DBNDD1: variants seen among roughly 807,000 people sequenced by gnomAD.
DBNDD1 encodes dysbindin domain-containing protein 1.
A neutral mutation model predicts 17.0 loss-of-function variants in DBNDD1; 14 were observed. The ratio of observed to expected loss-of-function variants is 0.82; its 90% CI spans 0.54 to 1.29. The LOEUF is 1.29. Ranked by LOEUF, DBNDD1 falls within the 50% of genes most tolerant of loss-of-function variation. The pLI is 0.00. For synonymous variants in DBNDD1, 105 were observed against 102.0 expected (o/e 1.03, Z -0.18); for missense variants, 221 against 216.2 (o/e 1.02, Z -0.14).
chr16:90,013,514 C>CATGG (rs1354857714), intron 1 of DBNDD1, among the ~76,000 whole-genome samples: 1 of 152,108 alleles, frequency 6.6e-6, no homozygotes, highest in African/African-American at 2.4e-5. Flanking sequence ...TGTTCCTGAT[C>CATGG]ATGGCGTGGA....
In DBNDD1 at chr16:90,008,899, C is replaced by T. The variant is rs1037177769; in HGVS notation, c.204G>A (p.Leu68=). The T allele has an allele frequency of 5.7e-6, 9 of 1,579,052 alleles. No individual in the cohort carries two copies. The highest frequency in any genetic ancestry group is 1.8e-4 in the Middle Eastern group (1 of 5,506). The change falls in exon 3 of 4, where the codon CTG becomes CTA. Residue 68 remains leucine, a synonymous_variant. Coordinates refer to ENST00000002501, the MANE Select transcript of DBNDD1 (RefSeq NM_001042610.3). ...GGTCCAGGAGGTCGAAGTGGACCTC[C>T]AGAGAGGAGACGCTGCTCAGAGGCT... ...RRQPLSSVSS[L]EVHFDLLDLT... is the part of the protein sequence containing the mutation.
chr16:90,006,437 T>C lies in DBNDD1; in HGVS notation c.375A>G (p.Thr125=), dbSNP rs1357574534. ...GCTTCTCGTGGCTCTGCTCAGCCCTTGTCCTCGTCCAGGAAGGGGAGCGCA... is the reference window on the plus strand; with the variant it reads ...GCTTCTCGTGGCTCTGCTCAGCCCTCGTCCTCGTCCAGGAAGGGGAGCGCA... The part of the protein sequence containing the change: ...GYLRSPSWTR[T]RAEQSHEKQP... The change falls in exon 4 of 4, where the codon ACA becomes ACG. Residue 125 remains threonine (T), a synonymous_variant. Coordinates refer to ENST00000002501, the MANE Select transcript of DBNDD1 (RefSeq NM_001042610.3). 4 of 1,602,452 alleles carry C rather than the reference T, an allele frequency of 2.5e-6. No individual in the cohort carries two copies. The highest frequency in any genetic ancestry group is 3.4e-6 in the Non-Finnish European group (4 of 1,179,816).
At chr16:90,017,553 A>T (rs1304349151) in intron 1 of DBNDD1, among the ~76,000 whole-genome samples, 1 of 152,228 alleles carries the variant, frequency 6.6e-6, no homozygotes, top group Non-Finnish European at 1.5e-5. Flanking sequence ...GTGAAATAAT[A>T]TGTCTAGATT....
At chr16:90,013,261 T>TAAAAAAAAAAAAAAA (rs1567835111) in intron 1 of DBNDD1, among the ~76,000 whole-genome samples, 1 of 4,494 alleles carries the variant, frequency 2.2e-4, no homozygotes, top group Non-Finnish European at 4.9e-4. Flanking sequence ...AAACCTTGCC[T>TAAAAAAAAAAAAAAA]TAAAAAAAAA....
At position 90,005,857 on chromosome 16, in the gene DBNDD1, C is replaced by T. The variant is rs2241085; in HGVS notation, c.*478G>A. The T allele has an allele frequency of 0.082, 13,248 of 161,376 alleles. 1,037 individuals are homozygous for T. Among genetic ancestry groups the T allele is most frequent in the African/African-American group, 0.18 (7,386 of 41,908 alleles). 10.0% of individuals were successfully genotyped at this position (161,376 alleles called of 1,614,324 possible). ...TTGTCCCATTAGCCACTACCAAACC[C>T]GCCTCTGGCTTCTGAGCTTGGCAGC... On this transcript the variant is annotated 3_prime_UTR_variant, in exon 4 of 4. Transcript: ENST00000002501.
At position 90,013,995 on chromosome 16, in the gene DBNDD1, G is replaced by C. The variant is rs567251535; in HGVS notation, c.32-4565C>G. 1.1e-4 allele frequency among the ~76,000 whole-genome samples: 17 copies of C among 152,274 alleles called. No individual in the cohort carries two copies. In the South Asian group the frequency reaches 3.5e-3, roughly 32 times the overall value. ...GAGGACAGCTGGGGGCTGTGAGGCA[G>C]GGCAGGGGTGGTGTGTGCAGGTCGT... On this transcript the variant is annotated intron_variant, in intron 1 of 3. Coordinates refer to ENST00000002501, the MANE Select transcript of DBNDD1 (RefSeq NM_001042610.3).
rs1303509399 is a variant in DBNDD1 at position 90,005,440 on chromosome 16, C to G, written c.*895G>C. ...CTCCTCTGCTGCTCCTGGACAGAGA[C>G]CCACGGGGTCCCATGGGCTCCAAAC... On this transcript the variant is annotated 3_prime_UTR_variant, in exon 4 of 4. Transcript: ENST00000002501. 6.6e-6 allele frequency: 1 copy of G among 152,182 alleles called. No individual in the cohort carries two copies. Among genetic ancestry groups the G allele is most frequent in the African/African-American group, 2.4e-5 (1 of 41,424 alleles). 9.4% of individuals were successfully genotyped at this position (152,182 alleles called of 1,614,324 possible).
In DBNDD1 at chr16:90,006,055, A is replaced by G. The variant is rs1016509218; in HGVS notation, c.*280T>C. 2.3e-4 allele frequency: 89 copies of G among 379,966 alleles called. 2 individuals carry two copies. Among genetic ancestry groups the G allele is most frequent in the Non-Finnish European group, 4.5e-5 (9 of 201,574 alleles). The allele number at this position is 379,966 out of a possible 1,614,324, so 23.5% of individuals were successfully genotyped here. ...CGGGGCCCAGGAACGAGCTGGACGTAAGGCCACTGGGCTGTGCTTGTGCTG... is the reference window on the plus strand; with the variant it reads ...CGGGGCCCAGGAACGAGCTGGACGTGAGGCCACTGGGCTGTGCTTGTGCTG... On this transcript the variant is annotated 3_prime_UTR_variant, in exon 4 of 4. Coordinates refer to ENST00000002501, the MANE Select transcript of DBNDD1 (RefSeq NM_001042610.3).
At chr16:90,013,689 C>T (rs1392457573) in intron 1 of DBNDD1, among the ~76,000 whole-genome samples, 2 of 152,200 alleles carry the variant, frequency 1.3e-5, no homozygotes, top group Non-Finnish European at 2.9e-5. Flanking sequence ...CTGGGCGGGG[C>T]CCCTCATCTA....
At position 90,013,262 on chromosome 16, in the gene DBNDD1, T is replaced by TAAAAAAAAAA. The variant is rs59831191; in HGVS notation, c.32-3842_32-3833dup. Among the ~76,000 whole-genome samples, 35 of 49,144 alleles carry TAAAAAAAAAA rather than the reference T, an allele frequency of 7.1e-4. 6 individuals carry two copies. The highest frequency in any genetic ancestry group is 4.2e-3 in the South Asian group (4 of 950). The allele number at this position is 49,144 out of a possible 152,430, so 32.2% of individuals were successfully genotyped here. Reference sequence around the variant, plus strand: ...TGAGCAACAGAGCGAAACCTTGCCTTAAAAAAAAAAAAAAAAAAAAAGACA... The same window carrying TAAAAAAAAAA: ...TGAGCAACAGAGCGAAACCTTGCCTTAAAAAAAAAAAAAAAAAAAAAAAAAAAAAAAGACA... On this transcript the variant is annotated intron_variant, in intron 1 of 3. Transcript: ENST00000002501.
chr16:90,014,723 G>A lies in DBNDD1; in HGVS notation c.31+4588C>T, dbSNP rs181689100. 1.4e-3 allele frequency among the ~76,000 whole-genome samples: 219 copies of A among 152,220 alleles called. 2 individuals carry two copies. Among genetic ancestry groups the A allele is most frequent in the African/African-American group, 4.6e-3 (190 of 41,558 alleles). ...GTTGACTCTTAAGAAGTATCCTTTC[G>A]GCCGGGCGCGGTGGCTCACGCCTGT... On this transcript the variant is annotated intron_variant, in intron 1 of 3. Transcript: ENST00000002501.
rs1258951668 is a variant in DBNDD1 at position 90,005,748 on chromosome 16, C to G, written c.*587G>C. 6.5e-6 allele frequency: 1 copy of G among 153,904 alleles called. No individual in the cohort carries two copies. Among genetic ancestry groups the G allele is most frequent in the Non-Finnish European group, 1.4e-5 (1 of 69,140 alleles). 9.5% of individuals were successfully genotyped at this position (153,904 alleles called of 1,614,324 possible). On this transcript the variant is annotated 3_prime_UTR_variant, in exon 4 of 4. Transcript: ENST00000002501. ...GGGGACCCTAGTGAGACAGCGCCTC[C>G]GTGGAGTAGAAGAAGGGGCAGGATG...
intron 1 of DBNDD1, chr16:90,009,636 T>C (rs1391390167): frequency 4.1e-6 from 3 of 728,508 alleles, no homozygotes; most frequent in South Asian, 1.9e-5. Flanking sequence ...CTCCTTCCCC[T>C]TGGGCCCTGG....
intron 2 of DBNDD1, 63 bp from the exon 3 acceptor site, chr16:90,008,987 G>T: frequency 6.8e-7 from 1 of 1,478,772 alleles, no homozygotes; most frequent in South Asian, 1.3e-5. Flanking sequence ...AGAGCCCCGG[G>T]GGTCTAGGAG....
chr16:90,009,390 G>C lies in DBNDD1; in HGVS notation c.72C>G (p.Gly24=). Residue 24 remains glycine (G), a synonymous_variant, in exon 2 of 4, where the codon GGC becomes GGG. Transcript: ENST00000002501. ...KEAEVPQAAL[G]VPAQGTGDNG... ...TGTCCCCTGTCCCCTGGGCTGGGAC[G>C]CCCAGCGCAGCCTGCGGCACCTCAG... is the stretch of plus-strand genomic sequence containing the variant. 6.2e-7 allele frequency: 1 copy of C among 1,612,888 alleles called. No individual in the cohort carries two copies. Among genetic ancestry groups the C allele is most frequent in the Non-Finnish European group, 8.5e-7 (1 of 1,180,004 alleles).
intron 1 of DBNDD1, among the ~76,000 whole-genome samples, chr16:90,013,735 G>T (rs1290862077): frequency 2.0e-5 from 3 of 152,184 alleles, no homozygotes; most frequent in African/African-American, 7.2e-5. Flanking sequence ...ACCCAACCAA[G>T]ACTTCCGAAT....
At chr16:90,017,848 C>A (rs1040532173) in intron 1 of DBNDD1, among the ~76,000 whole-genome samples, 28 of 152,208 alleles carry the variant, frequency 1.8e-4, no homozygotes, top group African/African-American at 6.3e-4. Flanking sequence ...CTCCCCACCC[C>A]AGGCAGGGTA....
intron 1 of DBNDD1, among the ~76,000 whole-genome samples, chr16:90,012,145 G>A (rs776761712): frequency 4.6e-5 from 7 of 152,244 alleles, no homozygotes; most frequent in African/African-American, 7.2e-5. Context: ...CTGAGGGTGC[G>A]GCAGGGGCCT....
intron 1 of DBNDD1, among the ~76,000 whole-genome samples, chr16:90,012,200 A>G (rs2035566204): frequency 6.6e-6 from 1 of 152,228 alleles, no homozygotes; most frequent in African/African-American, 2.4e-5. Context: ...TCCCTCTGGC[A>G]TGGCTGACCC....
Sources: allele counts gnomAD v4.1 joint callset (sites outside exome capture counted in the v4.1 genomes callset), GRCh38; gene constraint gnomAD v4.1.1; transcripts MANE v1.5; gene names NCBI Gene and HGNC (gene_info 2026-07-23, HGNC 2026-07-21).